INTS5: variants seen among roughly 807,000 people sequenced by gnomAD.
The protein encoded by INTS5 is KIAA1698.
A neutral mutation model predicts 60.0 loss-of-function variants in INTS5; 29 were observed. That is an observed-to-expected ratio of 0.48 (90% CI 0.36 to 0.66). The LOEUF is 0.66. Among genes scored for constraint, INTS5 ranks in the 30% least tolerant of loss-of-function variants. INTS5 has a pLI of 0.00. For missense variants in INTS5, 1,129 were observed against 1,307.9 expected, an observed-to-expected ratio of 0.86 and a Z score of 2.11; for synonymous variants, 588 against 558.8, an observed-to-expected ratio of 1.05 and a Z score of -0.74.
At position 62,648,994 on chromosome 11, in the gene INTS5, G is replaced by A; in HGVS notation, c.1086C>T (p.Cys362=). 1 of 1,613,418 alleles carries A rather than the reference G, an allele frequency of 6.2e-7. No homozygotes were observed. The change falls in exon 2 of 2, where the codon TGC becomes TGT. Residue 362 remains cysteine, a synonymous_variant. Coordinates refer to ENST00000330574, the MANE Select transcript of INTS5 (RefSeq NM_030628.2). The surrounding 1 kb of genome is among the most constrained non-coding windows in gnomAD (Gnocchi z 4.4). ...GGCTCAGCACAGCTGGGGGCTTGAGGCAATCCACAAGCTCTCCAGAGACAG... is the reference window on the plus strand; with the variant it reads ...GGCTCAGCACAGCTGGGGGCTTGAGACAATCCACAAGCTCTCCAGAGACAG... ...LGTVSGELVD[C]LKPPAVLSQL...
Position 62,648,642 on chromosome 11 carries a change from G to C in INTS5, c.1438C>G (p.His480Asp). 1 of 1,614,044 alleles carries C rather than the reference G, an allele frequency of 6.2e-7. No homozygotes were observed. Among genetic ancestry groups the C allele is most frequent in the Non-Finnish European group, 8.5e-7 (1 of 1,179,990 alleles). Residue 480 changes from histidine (H) to aspartate (D), a missense_variant, in exon 2 of 2, where the codon CAT (histidine) becomes GAT (aspartate). By Grantham distance (81) the His-to-Asp change is moderately conservative. Transcript: ENST00000330574. This position sits in a 1 kb window ranked among gnomAD's most constrained non-coding sequence, Gnocchi z 4.4. ...LVPFLDALKN[H>D]VGELCGETLR... ...GTCTCTCCACACAGCTCTCCAACATGGTTTTTGAGCGCATCTAAAAAGGGC... is the reference window on the plus strand; with the variant it reads ...GTCTCTCCACACAGCTCTCCAACATCGTTTTTGAGCGCATCTAAAAAGGGC...
In INTS5 at chr11:62,647,742, G is replaced by A. The variant is rs1944542233; in HGVS notation, c.2338C>T (p.Leu780Phe). 6.2e-7 allele frequency: 1 copy of A among 1,614,200 alleles called. No homozygotes were observed. The highest frequency in any genetic ancestry group is 8.5e-7 in the Non-Finnish European group (1 of 1,180,038). The change falls in exon 2 of 2, where the codon CTC becomes TTC. Residue 780 changes from leucine (L) to phenylalanine (F), a missense_variant. By Grantham distance (22) the Leu-to-Phe change is conservative. Around this residue, in one of 3 missense-constraint regions of INTS5, gnomAD observed 1,070 missense variants for 1,246.1 expected, o/e 0.86. Coordinates refer to ENST00000330574, the MANE Select transcript of INTS5 (RefSeq NM_030628.2). ...QEVIYNTQSL[L>F]SLLVHCCSAP... is the part of the protein sequence containing the mutation. ...CTGCAGCAGTGAACCAGGAGGCTGA[G>A]GAGGCTCTGGGTGTTATAGATCACT...
chr11:62,653,208 AGGTGGCCCTGGG>A lies in INTS5; in HGVS notation c.30_41del (p.Pro11_Pro14del). 1 of 1,247,152 alleles carries A rather than the reference AGGTGGCCCTGGG, an allele frequency of 8.0e-7. No individual in the cohort carries two copies. The highest frequency in any genetic ancestry group is 1.0e-6 in the Non-Finnish European group (1 of 987,736). The allele number at this position is 1,247,152 out of a possible 1,614,324, so 77.3% of individuals were successfully genotyped here. ...GACCGTGGGTGGCCGGGGCAGGCCC[AGGTGGCCCTGGG>A]GCCCCGGGAGGGTCGCACAGCGCGG... is the stretch of plus-strand genomic sequence containing the variant. On this transcript the variant is annotated inframe_deletion, in exon 1 of 2. Transcript: ENST00000330574.
chr11:62,653,115 T>C lies in INTS5; in HGVS notation c.80+55A>G, dbSNP rs561680584. 9.2e-6 allele frequency: 10 copies of C among 1,089,136 alleles called. No individual in the cohort carries two copies. In the South Asian group the frequency reaches 2.3e-4, roughly 26 times the overall value. 67.5% of individuals were successfully genotyped at this position (1,089,136 alleles called of 1,614,324 possible). A position where few individuals can be genotyped will look rare whatever the true frequency, so the allele number is the denominator to read the frequency against. ...GGATCCGGGTTTCTACCGAGAAGGC[T>C]AGGGATCGGCGCGGGGCCGCGCGAT... On this transcript the variant is annotated intron_variant, in intron 1 of 1. Coordinates refer to ENST00000330574, the MANE Select transcript of INTS5 (RefSeq NM_030628.2).
chr11:62,647,212 C>A lies in INTS5; in HGVS notation c.2868G>T (p.Leu956Phe). 3 of 1,614,248 alleles carry A rather than the reference C, an allele frequency of 1.9e-6. No individual in the cohort carries two copies. The highest frequency in any genetic ancestry group is 2.5e-6 in the Non-Finnish European group (3 of 1,180,042). Reference sequence around the variant, plus strand: ...CTGATTGGAAGATGAACTTCTGAGGCAAGGGCCCATGCTCCCGGAGAAAAC... The same window carrying A: ...CTGATTGGAAGATGAACTTCTGAGGAAAGGGCCCATGCTCCCGGAGAAAAC... ...VWGFLREHGP[L>F]PQKFIFQSER... Residue 956 changes from leucine to phenylalanine, a missense_variant, in exon 2 of 2, where the codon TTG becomes TTT. By Grantham distance (22) the Leu-to-Phe change is conservative. Around this residue, in one of 3 missense-constraint regions of INTS5, gnomAD observed 1,070 missense variants for 1,246.1 expected, o/e 0.86. Transcript: ENST00000330574.
In INTS5 at chr11:62,649,090, C is replaced by A. The variant is rs559032115; in HGVS notation, c.990G>T (p.Gly330=). The change falls in exon 2 of 2, where the codon GGG becomes GGT. Residue 330 remains glycine, a synonymous_variant. Coordinates refer to ENST00000330574, the MANE Select transcript of INTS5 (RefSeq NM_030628.2). The surrounding 1 kb of genome is among the most constrained non-coding windows in gnomAD (Gnocchi z 6.0). ...GAACCGTGGCCTGAAGGGAGGGGTC[C>A]CCACTGCGGCCTCCAGATCCCCCTG... ...SLAGGSGGRS[G]DPSLQATVPF... 2.5e-5 allele frequency: 40 copies of A among 1,609,718 alleles called. 1 individual carries two copies. In the South Asian group the frequency reaches 4.2e-4, roughly 17 times the overall value.
chr11:62,648,679 AGGTGGG>A lies in INTS5; in HGVS notation c.1395_1400del (p.Pro467_Pro468del), dbSNP rs1261904093. The A allele has an allele frequency of 1.2e-6, 2 of 1,614,004 alleles. No individual in the cohort carries two copies. The highest frequency in any genetic ancestry group is 3.3e-5 in the Admixed American group (2 of 60,024). On this transcript the variant is annotated inframe_deletion, in exon 2 of 2. Coordinates refer to ENST00000330574, the MANE Select transcript of INTS5 (RefSeq NM_030628.2). This position sits in a 1 kb window ranked among gnomAD's most constrained non-coding sequence, Gnocchi z 4.4. ...CATCTAAAAAGGGCACCAAGCGGGG[AGGTGGG>A]GGCGGGCCTAGCACCCCTTCCCCAG... is the stretch of plus-strand genomic sequence containing the variant.
At position 62,647,607 on chromosome 11, in the gene INTS5, C is replaced by T. The variant is rs1401990425; in HGVS notation, c.2473G>A (p.Ala825Thr). 1 of 1,614,030 alleles carries T rather than the reference C, an allele frequency of 6.2e-7. No homozygotes were observed. Among genetic ancestry groups the T allele is most frequent in the East Asian group, 2.2e-5 (1 of 44,890 alleles). ...TLVESVCPDA[A>T]GAELAWPPEE... ...GGGGGCCAGGCCAGCTCTGCACCAGCTGCATCGGGACACACACTCTCCACC... is the reference window on the plus strand; with the variant it reads ...GGGGGCCAGGCCAGCTCTGCACCAGTTGCATCGGGACACACACTCTCCACC... Residue 825 changes from alanine to threonine, a missense_variant, in exon 2 of 2, where the codon GCT (alanine) becomes ACT (threonine). Transcript: ENST00000330574.
At chr11:62,650,083 TG>T in intron 1 of INTS5, 84 bp from the exon 2 acceptor site, 4 of 1,077,454 alleles carry the variant, frequency 3.7e-6, no homozygotes, top group Non-Finnish European at 5.4e-6. Flanking sequence ...TTGCCTTTTA[TG>T]TTAAATAGGG....
Position 62,649,205 on chromosome 11 carries a change from G to A in INTS5, c.875C>T (p.Ala292Val). The A allele has an allele frequency of 6.2e-7, 1 of 1,613,974 alleles. No individual in the cohort carries two copies. The highest frequency in any genetic ancestry group is 8.5e-7 in the Non-Finnish European group (1 of 1,179,838). ...IPAEKRVPKI[A>V]SVVGILGHLA... ...GTGACCTAGGATGCCTACAACTGAG[G>A]CAATCTTGGGCACCCGTTTCTCCGC... Residue 292 changes from alanine (A) to valine (V), a missense_variant, in exon 2 of 2, where the codon GCC becomes GTC. Ala to Val is a moderately conservative substitution (Grantham distance 64). This residue lies in a region of INTS5 where 1,070 missense variants were observed against 1,246.1 expected (regional missense o/e 0.86). Coordinates refer to ENST00000330574, the MANE Select transcript of INTS5 (RefSeq NM_030628.2). The surrounding 1 kb of genome is among the most constrained non-coding windows in gnomAD (Gnocchi z 6.0).
Position 62,647,452 on chromosome 11 carries a change from C to T in INTS5, c.2628G>A (p.Val876=), listed in dbSNP as rs1291749604. The stretch of plus-strand genomic sequence containing the variant: ...GGGCGGCCAGCAGCCCCCGAAGCAG[C>T]ACGGAACAGTAGCACAGGGCTGGGG... ...AAPPALCYCS[V]LLRGLLAALL... Residue 876 remains valine (V), a synonymous_variant, in exon 2 of 2, where the codon GTG becomes GTA. Transcript: ENST00000330574. The T allele has an allele frequency of 3.1e-6, 5 of 1,607,082 alleles. No homozygotes were observed. Among genetic ancestry groups the T allele is most frequent in the Non-Finnish European group, 4.3e-6 (5 of 1,175,758 alleles).
Position 62,647,849 on chromosome 11 carries a change from C to A in INTS5, c.2231G>T (p.Gly744Val). Residue 744 changes from glycine to valine, a missense_variant, in exon 2 of 2, where the codon GGG becomes GTG. This residue lies in a region of INTS5 where 1,070 missense variants were observed against 1,246.1 expected (regional missense o/e 0.86). Transcript: ENST00000330574. ...TCCAGCATGGAAAACTGACCAAATC[C>A]CTCCAGGACCTGGCACAGCTGCAGT... ...RHTAAVPGPG[G>V]IWSVFHAGVI... 1 of 1,614,214 alleles carries A rather than the reference C, an allele frequency of 6.2e-7. No individual in the cohort carries two copies. Among genetic ancestry groups the A allele is most frequent in the South Asian group, 1.1e-5 (1 of 91,084 alleles).
chr11:62,647,541 T>G lies in INTS5; in HGVS notation c.2539A>C (p.Ile847Leu), dbSNP rs1944536937. 1.2e-6 allele frequency: 2 copies of G among 1,613,382 alleles called. No individual in the cohort carries two copies. Among genetic ancestry groups the G allele is most frequent in the African/African-American group, 1.3e-5 (1 of 74,940 alleles). Residue 847 changes from isoleucine to leucine, a missense_variant, in exon 2 of 2, where the codon ATT (isoleucine) becomes CTT (leucine). This residue lies in a region of INTS5 where 1,070 missense variants were observed against 1,246.1 expected (regional missense o/e 0.86). Coordinates refer to ENST00000330574, the MANE Select transcript of INTS5 (RefSeq NM_030628.2). ...ARATVERDLR[I>L]GRRFREQPLL... ...GGCTGTTCGCGGAAGCGCCGGCCAA[T>G]GCGGAGATCCCGCTCCACGGTGGCC...
rs754638034 is a variant in INTS5, at chr11:62,648,669, C to A, written c.1411G>T (p.Val471Leu). The stretch of plus-strand genomic sequence containing the variant: ...TTTTTGAGCGCATCTAAAAAGGGCA[C>A]CAAGCGGGGAGGTGGGGGCGGGCCT... The part of the protein sequence containing the change: ...VLGPPPPPRL[V>L]PFLDALKNHV... The change falls in exon 2 of 2, where the codon GTG becomes TTG. Residue 471 changes from valine (V) to leucine (L), a missense_variant. This residue lies in a region of INTS5 where 1,070 missense variants were observed against 1,246.1 expected (regional missense o/e 0.86). Transcript: ENST00000330574. This position sits in a 1 kb window ranked among gnomAD's most constrained non-coding sequence, Gnocchi z 4.4. 1 of 1,614,048 alleles carries A rather than the reference C, an allele frequency of 6.2e-7. No individual in the cohort carries two copies. Among genetic ancestry groups the A allele is most frequent in the Non-Finnish European group, 8.5e-7 (1 of 1,179,976 alleles).
chr11:62,652,097 A>T (rs1944599605), intron 1 of INTS5, among the ~76,000 whole-genome samples: 1 of 151,288 alleles, frequency 6.6e-6, no homozygotes, highest in African/African-American at 2.4e-5. Flanking sequence ...AGGAGGGTGG[A>T]TCACTTGAGG....
intron 1 of INTS5, among the ~76,000 whole-genome samples, chr11:62,651,996 T>G (rs924336686): frequency 8.5e-5 from 13 of 152,060 alleles, no homozygotes; most frequent in African/African-American, 3.1e-4. Context: ...TTGAGTTGAC[T>G]ATATTTGTGT....
At chr11:62,650,069 A>G in intron 1 of INTS5, 70 bp from the exon 2 acceptor site, 1 of 1,256,240 alleles carries the variant, frequency 8.0e-7, no homozygotes, top group Non-Finnish European at 1.1e-6. Flanking sequence ...TTCCTGTATG[A>G]GCTTTGCCTT....
chr11:62,651,951 T>C (rs1590839370), intron 1 of INTS5, among the ~76,000 whole-genome samples: 1 of 152,210 alleles, frequency 6.6e-6, no homozygotes, highest in East Asian at 1.9e-4. Context: ...TCTATTGAAG[T>C]ACACAGTATA....
At chr11:62,652,289 AG>A (rs1224723687) in intron 1 of INTS5, among the ~76,000 whole-genome samples, 1 of 152,046 alleles carries the variant, frequency 6.6e-6, no homozygotes, top group African/African-American at 2.4e-5. Flanking sequence ...ACTGCACTCC[AG>A]CCTGGGAGTC....
Sources: allele counts gnomAD v4.1 joint callset (sites outside exome capture counted in the v4.1 genomes callset), GRCh38; gene constraint gnomAD v4.1.1; regional missense constraint gnomAD v4.1.1; non-coding constraint Gnocchi (gnomAD v3.1); transcripts MANE v1.5; gene names NCBI Gene and HGNC (gene_info 2026-07-23, HGNC 2026-07-21).